Variants in TAOK3 observed in about 807,000 individuals in gnomAD.
TAOK3 encodes the protein TAO kinase 3.
A neutral mutation model predicts 120.4 loss-of-function variants in TAOK3; 40 were observed. The ratio of observed to expected loss-of-function variants is 0.33; its 90% CI spans 0.26 to 0.43. TAOK3 has a LOEUF of 0.43. TAOK3 is among the 20% of genes least tolerant of loss of function. The pLI is 1.00. For missense variants in TAOK3, 821 were observed against 1,112.1 expected, an observed-to-expected ratio of 0.74 and a Z score of 3.72; for synonymous variants, 355 against 387.5, an observed-to-expected ratio of 0.92 and a Z score of 0.99.
chr12:118,238,192 GTCAGTAGATGA>G, intron 6 of TAOK3, 23 bp from the exon 7 acceptor site: 1 of 1,291,692 alleles, frequency 7.7e-7, no homozygotes, highest in Non-Finnish European at 1.1e-6. Flanking sequence ...AAAAAAAAAA[GTCAGTAGATGA>G]TCAGTTTCAT....
chr12:118,215,862 G>T (rs1780035110), intron 9 of TAOK3, among the ~76,000 whole-genome samples: 1 of 151,992 alleles, frequency 6.6e-6, no homozygotes, highest in East Asian at 1.9e-4. Flanking sequence ...GAGACTACAG[G>T]TGTGTGCCAC....
intron 1 of TAOK3, among the ~76,000 whole-genome samples, chr12:118,273,172 C>T (rs73205526): frequency 0.12 from 18,463 of 151,974 alleles, 1,216 homozygotes; most frequent in Middle Eastern, 0.15. Flanking sequence ...TCAGTTCTTA[C>T]GAGGACTGCA....
chr12:118,369,078 C>T (rs1278380520), intron 1 of TAOK3, among the ~76,000 whole-genome samples: 4 of 151,186 alleles, frequency 2.6e-5, no homozygotes, highest in Non-Finnish European at 5.9e-5. Context: ...GTCCCAGCTA[C>T]TCAGGAGGCT....
At chr12:118,307,212 C>T (rs550088918) in intron 1 of TAOK3, among the ~76,000 whole-genome samples, 4 of 151,732 alleles carry the variant, frequency 2.6e-5, no homozygotes, top group African/African-American at 9.7e-5. Context: ...TCAACCTTCC[C>T]GCCTCCTCTT....
intron 11 of TAOK3, 112 bp from the exon 12 acceptor site, chr12:118,201,575 G>A: frequency 1.1e-6 from 1 of 882,478 alleles, no homozygotes; most frequent in Non-Finnish European, 1.6e-6. Flanking sequence ...GGATATTACA[G>A]AAATAACAAA....
At chr12:118,253,672 G>A (rs2040852808) in intron 3 of TAOK3, among the ~76,000 whole-genome samples, 1 of 151,910 alleles carries the variant, frequency 6.6e-6, no homozygotes, top group South Asian at 2.1e-4. Context: ...GGGAGGTGGA[G>A]GTTGTAGTGA....
At chr12:118,277,649 C>G (rs2041950751) in intron 1 of TAOK3, among the ~76,000 whole-genome samples, 1 of 151,864 alleles carries the variant, frequency 6.6e-6, no homozygotes, top group South Asian at 2.1e-4. Context: ...TTAGTAGAGA[C>G]AAGGTGTCAC....
At chr12:118,238,003 C>G (rs1417639989) in intron 7 of TAOK3, 70 bp downstream of exon 7, 2 of 1,046,916 alleles carry the variant, frequency 1.9e-6, no homozygotes, top group African/African-American at 3.2e-5. Context: ...GGAGCATGCA[C>G]TAATTTTCAA....
chr12:118,233,543 T>C, intron 9 of TAOK3, 131 bp downstream of exon 9: 1 of 699,560 alleles, frequency 1.4e-6, no homozygotes, highest in East Asian at 2.8e-5. Flanking sequence ...AGCACACATA[T>C]ACCAGTAACT....
intron 2 of TAOK3, among the ~76,000 whole-genome samples, chr12:118,265,173 G>A (rs1315562262): frequency 1.3e-5 from 2 of 151,464 alleles, no homozygotes; most frequent in Non-Finnish European, 2.9e-5. Flanking sequence ...GGCAGATCAC[G>A]AGGTCAGGAG....
chr12:118,163,052 T>C (rs1291444670), intron 17 of TAOK3, among the ~76,000 whole-genome samples: 2 of 152,246 alleles, frequency 1.3e-5, no homozygotes, highest in South Asian at 4.1e-4. Context: ...CAGATTTAGA[T>C]ACGTGGCCCA....
At chr12:118,306,947 A>G (rs1170599699) in intron 1 of TAOK3, among the ~76,000 whole-genome samples, 1 of 152,242 alleles carries the variant, frequency 6.6e-6, no homozygotes, top group Non-Finnish European at 1.5e-5. Flanking sequence ...GTGCAACAGA[A>G]GAACGGAATT....
At chr12:118,297,679 T>C (rs1754977575) in intron 1 of TAOK3, among the ~76,000 whole-genome samples, 5 of 152,164 alleles carry the variant, frequency 3.3e-5, no homozygotes, top group Admixed American at 3.3e-4. Context: ...TCATACATCA[T>C]AGGAAATCAC....
intron 19 of TAOK3, among the ~76,000 whole-genome samples, chr12:118,155,018 A>G (rs1356006793): frequency 6.6e-6 from 1 of 151,304 alleles, no homozygotes; most frequent in Non-Finnish European, 1.5e-5. Context: ...TTTTTTTGAG[A>G]TGGAGTCTCA....
Position 118,372,580 on chromosome 12 carries a change from C to A in TAOK3, c.-194+68G>T. On this transcript the variant is annotated intron_variant, in intron 1 of 20. Transcript: ENST00000392533. This position sits in a 1 kb window ranked among gnomAD's most constrained non-coding sequence, Gnocchi z 4.6. ...ACTGTCGAGCCCGCTCCCGCAACTC[C>A]CCTCACTCTGCCTGGGGTCCCGCCG... The A allele has an allele frequency of 6.4e-6, 1 of 156,804 alleles. No homozygotes were observed. Among genetic ancestry groups the A allele is most frequent in the South Asian group, 1.8e-4 (1 of 5,504 alleles). The allele number at this position is 156,804 out of a possible 1,614,324, so 9.7% of individuals were successfully genotyped here.
At chr12:118,336,151 A>G (rs1270978443) in intron 1 of TAOK3, among the ~76,000 whole-genome samples, 1 of 152,228 alleles carries the variant, frequency 6.6e-6, no homozygotes, top group African/African-American at 2.4e-5. Flanking sequence ...AATCTTGAAA[A>G]GGAAGAATAT....
intron 1 of TAOK3, among the ~76,000 whole-genome samples, chr12:118,331,405 G>A (rs745573604): frequency 1.3e-5 from 2 of 152,114 alleles, no homozygotes; most frequent in Non-Finnish European, 2.9e-5. Context: ...AGCACTTTGG[G>A]AGGCCGAGGT....
At chr12:118,183,302 G>A (rs1230997511) in intron 14 of TAOK3, among the ~76,000 whole-genome samples, 3 of 152,180 alleles carry the variant, frequency 2.0e-5, no homozygotes, top group Non-Finnish European at 4.4e-5. Context: ...ACAAGAGAGT[G>A]CTGTTCTGTA....
chr12:118,250,757 T>C (rs997800013), intron 3 of TAOK3, among the ~76,000 whole-genome samples: 1 of 152,198 alleles, frequency 6.6e-6, no homozygotes, highest in African/African-American at 2.4e-5. Context: ...AATTCTGATA[T>C]GTGCCACAAA....
Sources: allele counts gnomAD v4.1 joint callset (sites outside exome capture counted in the v4.1 genomes callset), GRCh38; gene constraint gnomAD v4.1.1; non-coding constraint Gnocchi (gnomAD v3.1); transcripts MANE v1.5; gene names NCBI Gene and HGNC (gene_info 2026-07-23, HGNC 2026-07-21).